PHF14: variants seen among roughly 807,000 people sequenced by gnomAD.
The protein encoded by PHF14 is PHD finger protein 14.
In PHF14, 55 loss-of-function variants were observed where a neutral mutation model predicts 117.9. The observed-to-expected ratio is 0.47, with a 90% CI of 0.38 to 0.58. The LOEUF (loss-of-function observed/expected upper bound fraction) is 0.58. PHF14 is among the 20% of genes least tolerant of loss of function. PHF14 has a pLI of 0.00. For synonymous variants in PHF14, 409 were observed against 368.6 expected (o/e 1.11, Z -1.26); for missense variants, 978 against 1,122.2 (o/e 0.87, Z 1.84).
intron 16 of PHF14, chr7:11,063,183 A>G (rs1785295568): frequency 1.0e-6 from 1 of 978,106 alleles, no homozygotes; most frequent in African/African-American, 1.8e-5. Flanking sequence ...AAGTCCTTCA[A>G]CAAAGTTAAG....
chr7:11,094,509 C>G (rs1260134826), intron 16 of PHF14, among the ~76,000 whole-genome samples: 2 of 152,188 alleles, frequency 1.3e-5, no homozygotes, highest in African/African-American at 4.8e-5. Flanking sequence ...TCAGGCCCCT[C>G]TTCTCAAAAT....
chr7:11,074,868 C>T (rs981698478), intron 16 of PHF14, among the ~76,000 whole-genome samples: 1 of 151,848 alleles, frequency 6.6e-6, no homozygotes, highest in African/African-American at 2.4e-5. Context: ...GTCTTCTTCT[C>T]AGCCCTCTAA....
intron 13 of PHF14, among the ~76,000 whole-genome samples, chr7:11,048,769 T>G (rs2128325874): frequency 6.6e-6 from 1 of 152,320 alleles, no homozygotes; most frequent in South Asian, 2.1e-4. Flanking sequence ...ATTATGTCCA[T>G]AATACTCTTG....
intron 2 of PHF14, among the ~76,000 whole-genome samples, chr7:10,979,889 G>A (rs141828018): frequency 6.6e-6 from 1 of 152,074 alleles, no homozygotes; most frequent in African/African-American, 2.4e-5. Flanking sequence ...GGAGAATGAG[G>A]GGTTGGGTAA....
At chr7:11,112,973 A>T (rs1046596301) in intron 17 of PHF14, among the ~76,000 whole-genome samples, 3 of 152,070 alleles carry the variant, frequency 2.0e-5, no homozygotes, top group Non-Finnish European at 4.4e-5. Context: ...TCAAAAATGT[A>T]TTCCCAAAAT....
intron 4 of PHF14, among the ~76,000 whole-genome samples, chr7:11,011,115 G>A (rs1783340956): frequency 6.6e-6 from 1 of 151,992 alleles, no homozygotes; most frequent in Admixed American, 6.6e-5. Context: ...ATCTATATTT[G>A]GTAAGTAGTG....
At chr7:11,083,392 G>A (rs758043514) in intron 16 of PHF14, among the ~76,000 whole-genome samples, 11 of 150,356 alleles carry the variant, frequency 7.3e-5, no homozygotes, top group East Asian at 5.8e-4. Flanking sequence ...CTTTCTCCCC[G>A]CACTCCCACC....
chr7:11,107,676 A>G (rs903321315), intron 16 of PHF14: 2 of 654,516 alleles, frequency 3.1e-6, no homozygotes, highest in Non-Finnish European at 3.8e-6. Flanking sequence ...ATAATGTGCT[A>G]TTCGTATAAT....
At chr7:11,137,590 CTTTTTTTTTTTT>C (rs5882293) in intron 17 of PHF14, among the ~76,000 whole-genome samples, 1,122 of 94,042 alleles carry the variant, frequency 0.012, 18 homozygotes, top group African/African-American at 0.045. Context: ...CTTAAAAATT[CTTTTTTTTTTTT>C]TTTTTTTTTT....
intron 4 of PHF14, 61 bp from the exon 5 acceptor site, chr7:11,013,686 G>T (rs1783431835): frequency 3.4e-6 from 3 of 889,950 alleles, no homozygotes; most frequent in South Asian, 2.3e-5. Context: ...TTTCTTTTGT[G>T]ATTTTATGTG....
intron 17 of PHF14, among the ~76,000 whole-genome samples, chr7:11,157,304 T>C (rs969709931): frequency 1.3e-5 from 2 of 152,024 alleles, no homozygotes; most frequent in African/African-American, 4.8e-5. Context: ...ATGTCTAATA[T>C]GAGTCAAAGG....
intron 17 of PHF14, among the ~76,000 whole-genome samples, chr7:11,119,682 T>C (rs1199708888): frequency 6.6e-6 from 1 of 151,908 alleles, no homozygotes; most frequent in Non-Finnish European, 1.5e-5. Context: ...TTTTAATTAG[T>C]TCATAATTTT....
At chr7:11,113,068 T>C (rs954424096) in intron 17 of PHF14, among the ~76,000 whole-genome samples, 1 of 152,086 alleles carries the variant, frequency 6.6e-6, no homozygotes, top group African/African-American at 2.4e-5. Flanking sequence ...TTTAAGTGCA[T>C]TTTTTGTTTG....
At chr7:10,984,713 C>A (rs975533078) in intron 3 of PHF14, among the ~76,000 whole-genome samples, 3 of 152,136 alleles carry the variant, frequency 2.0e-5, no homozygotes, top group Admixed American at 6.5e-5. Flanking sequence ...AGGAATTTGC[C>A]ACGTAAAGTG....
intron 14 of PHF14, among the ~76,000 whole-genome samples, chr7:11,055,633 A>C (rs1026204543): frequency 6.6e-6 from 1 of 152,148 alleles, no homozygotes; most frequent in Non-Finnish European, 1.5e-5. Flanking sequence ...AACACATCTA[A>C]TCGTTTTTCC....
At chr7:11,149,570 T>C (rs1277349716) in intron 17 of PHF14, among the ~76,000 whole-genome samples, 1 of 152,200 alleles carries the variant, frequency 6.6e-6, no homozygotes, top group Non-Finnish European at 1.5e-5. Context: ...GATTTATCTT[T>C]TGAATGCAAA....
At chr7:11,010,883 G>T (rs1166985598) in intron 4 of PHF14, among the ~76,000 whole-genome samples, 3 of 152,072 alleles carry the variant, frequency 2.0e-5, no homozygotes, top group Non-Finnish European at 2.9e-5. Flanking sequence ...TGAAACTCCT[G>T]GGCTCAAGCG....
chr7:11,090,932 G>A lies in PHF14; in HGVS notation c.2655-20418G>A, dbSNP rs559525033. ...TAGCAGTCATTCAAGGGAATAAACA[G>A]ACACAAATAAAGACAAAGTGGGACC... On this transcript the variant is annotated intron_variant, in intron 16 of 17. Transcript: ENST00000634607. 7.9e-5 allele frequency among the ~76,000 whole-genome samples: 12 copies of A among 152,266 alleles called. 1 individual carries two copies. In the South Asian group the frequency reaches 2.5e-3, roughly 32 times the overall value.
At chr7:11,040,847 A>G (rs980659453) in intron 12 of PHF14, 72 bp downstream of exon 12, 1 of 680,468 alleles carries the variant, frequency 1.5e-6, no homozygotes, top group African/African-American at 1.9e-5. Context: ...TAGAAAGAAG[A>G]TCCTGCAAAT....
Sources: gnomAD v4.1 joint callset for allele counts (sites outside exome capture counted in the v4.1 genomes callset) on GRCh38, gnomAD v4.1.1 for gene constraint, MANE v1.5 for transcripts, NCBI Gene and HGNC (gene_info 2026-07-23, HGNC 2026-07-21) for gene names.